DCC: variants seen among roughly 807,000 people sequenced by gnomAD.
DCC encodes netrin receptor DCC.
Under a neutral mutation model 172.5 loss-of-function variants are expected in DCC, and 58 were observed. The ratio of observed to expected loss-of-function variants is 0.34; its 90% CI spans 0.27 to 0.42. The LOEUF (loss-of-function observed/expected upper bound fraction) is 0.42. Ranked by LOEUF, DCC falls within the 10% of genes least tolerant of loss-of-function variation. DCC has a pLI of 1.00. For missense variants in DCC, 1,740 were observed against 1,791.0 expected, an observed-to-expected ratio of 0.97 and a Z score of 0.51; for synonymous variants, 709 against 644.5, an observed-to-expected ratio of 1.10 and a Z score of -1.52.
intron 1 of DCC, among the ~76,000 whole-genome samples, chr18:52,437,513 T>A (rs1987835386): frequency 6.6e-6 from 1 of 152,156 alleles, no homozygotes; most frequent in South Asian, 2.1e-4. Context: ...GAGACAGATG[T>A]CCTCAAAGGA....
chr18:52,512,821 T>A (rs2031490840), intron 1 of DCC, among the ~76,000 whole-genome samples: 1 of 152,142 alleles, frequency 6.6e-6, no homozygotes, highest in African/African-American at 2.4e-5. Context: ...AATGAGATGG[T>A]CCACATCTCA....
chr18:52,551,949 C>T (rs185411121), intron 1 of DCC, among the ~76,000 whole-genome samples: 1 of 151,990 alleles, frequency 6.6e-6, no homozygotes, highest in African/African-American at 2.4e-5. Context: ...ATATTGGAAT[C>T]GTGTGTGGAT....
At chr18:52,942,729 C>G (rs1433523867) in intron 5 of DCC, among the ~76,000 whole-genome samples, 2 of 152,182 alleles carry the variant, frequency 1.3e-5, no homozygotes, top group Non-Finnish European at 2.9e-5. Flanking sequence ...CCCGCCAGGT[C>G]CCTCCCACAA....
rs921797182 is a variant in DCC, at chr18:53,266,912, A to G, written c.1912-38666A>G. On this transcript the variant is annotated intron_variant, in intron 12 of 28. Transcript: ENST00000442544. Reference sequence around the variant, plus strand: ...ATTGTATAGACATAACATTTCATTTATCCATCCTTCAGATCACAGATGTTT... The same window carrying G: ...ATTGTATAGACATAACATTTCATTTGTCCATCCTTCAGATCACAGATGTTT... Among the ~76,000 whole-genome samples the G allele has an allele frequency of 4.6e-5, 7 of 152,128 alleles. No individual in the cohort carries two copies. The East Asian group carries it at 1.4e-3, about 29-fold the overall frequency.
At chr18:52,841,237 T>G (rs2038800038) in intron 2 of DCC, among the ~76,000 whole-genome samples, 1 of 152,052 alleles carries the variant, frequency 6.6e-6, no homozygotes, top group Non-Finnish European at 1.5e-5. Flanking sequence ...TGGTTTGATT[T>G]TCTTCTAAGT....
At chr18:52,388,099 A>G (rs977651088) in intron 1 of DCC, among the ~76,000 whole-genome samples, 1 of 151,986 alleles carries the variant, frequency 6.6e-6, no homozygotes, top group African/African-American at 2.4e-5. Flanking sequence ...GAAAGCCTAG[A>G]ATAACATTAA....
chr18:52,850,271 C>T (rs542149609), intron 2 of DCC, among the ~76,000 whole-genome samples: 1 of 152,262 alleles, frequency 6.6e-6, no homozygotes, highest in South Asian at 2.1e-4. Flanking sequence ...GTTAATTAAT[C>T]TGGAAGCACA....
chr18:52,824,996 A>T (rs1398347663), intron 2 of DCC, among the ~76,000 whole-genome samples: 1 of 151,652 alleles, frequency 6.6e-6, no homozygotes, highest in Non-Finnish European at 1.5e-5. Context: ...CTTGACTAAG[A>T]CCAGGGATAT....
chr18:52,856,844 T>C (rs111760256), intron 2 of DCC, among the ~76,000 whole-genome samples: 2,353 of 152,246 alleles, frequency 0.015, 58 homozygotes, highest in African/African-American at 0.051. Flanking sequence ...ATGCTCCATG[T>C]ACGCACCAGA....
In DCC at chr18:52,534,901, T is replaced by C. The variant is rs180895161; in HGVS notation, c.91+194023T>C. Among the ~76,000 whole-genome samples the C allele has an allele frequency of 3.1e-3, 472 of 152,278 alleles. 2 individuals are homozygous for C. The highest frequency in any genetic ancestry group is 9.5e-3 in the East Asian group (49 of 5,174). On this transcript the variant is annotated intron_variant, in intron 1 of 28. Coordinates refer to ENST00000442544, the MANE Select transcript of DCC (RefSeq NM_005215.4). ...ACCTACCTGGCATATTGGCTTCCCATTGTAACTTTTGTCCAACCTTATTAT... is the reference window on the plus strand; with the variant it reads ...ACCTACCTGGCATATTGGCTTCCCACTGTAACTTTTGTCCAACCTTATTAT...
chr18:53,251,802 A>C (rs921040149), intron 12 of DCC, among the ~76,000 whole-genome samples: 1 of 151,976 alleles, frequency 6.6e-6, no homozygotes, highest in Non-Finnish European at 1.5e-5. Flanking sequence ...ATATCCCACC[A>C]TCATTCATGA....
At chr18:52,443,495 C>T (rs1598822722) in intron 1 of DCC, among the ~76,000 whole-genome samples, 1 of 152,262 alleles carries the variant, frequency 6.6e-6, no homozygotes, top group African/African-American at 2.4e-5. Context: ...CATAACTCTG[C>T]TCGATAAAGA....
rs1004521435 is a variant in DCC, at chr18:52,414,911, A to G, written c.91+74033A>G. 2.0e-5 allele frequency among the ~76,000 whole-genome samples: 3 copies of G among 152,318 alleles called. No homozygotes were observed. The East Asian group carries it at 5.8e-4, about 29-fold the overall frequency. ...GGAAAACTAGTTGGCATATTTCTGC[A>G]ATTGCAGAGTATTACACACCAAGAA... is the stretch of plus-strand genomic sequence containing the variant. On this transcript the variant is annotated intron_variant, in intron 1 of 28. Transcript: ENST00000442544.
At chr18:53,179,140 A>G (rs1166581164) in intron 9 of DCC, 24 bp downstream of exon 9, 5 of 1,608,880 alleles carry the variant, frequency 3.1e-6, no homozygotes, top group Admixed American at 3.4e-5. Flanking sequence ...GGAACGGGCC[A>G]CATTTAAAAA....
intron 26 of DCC, among the ~76,000 whole-genome samples, chr18:53,495,801 G>A (rs1288704223): frequency 6.6e-6 from 1 of 152,162 alleles, no homozygotes; most frequent in African/African-American, 2.4e-5. Flanking sequence ...ATGTTTTGGA[G>A]GCTTTGTTCA....
At chr18:53,150,722 C>T (rs1363157342) in intron 7 of DCC, among the ~76,000 whole-genome samples, 1 of 152,156 alleles carries the variant, frequency 6.6e-6, no homozygotes, top group Non-Finnish European at 1.5e-5. Flanking sequence ...GAAGGTATTC[C>T]AGCTGAGTTT....
chr18:52,722,839 T>G (rs1377132820), intron 1 of DCC, among the ~76,000 whole-genome samples: 1 of 152,212 alleles, frequency 6.6e-6, no homozygotes, highest in Non-Finnish European at 1.5e-5. Context: ...CTCTCCTGTC[T>G]GCTGTATTCC....
In DCC at chr18:53,148,865, C is replaced by CTTTTTTTTTTTTTTTTTTTTTTTTTTTTT. The variant is rs5824990; in HGVS notation, c.1262-8474_1262-8473insTTTTTTTTTTTTTTTTTTTTTTTTTTTTT. On this transcript the variant is annotated intron_variant, in intron 7 of 28. Transcript: ENST00000442544. ...AAACTAGCTCAGAACTTCCCAATGCCTTTTTTTTTTTTTTTTTGGACAAAG... is the reference window on the plus strand; with the variant it reads ...AAACTAGCTCAGAACTTCCCAATGCCTTTTTTTTTTTTTTTTTTTTTTTTTTTTTTTTTTTTTTTTTTTTTTGGACAAAG... Among the ~76,000 whole-genome samples the CTTTTTTTTTTTTTTTTTTTTTTTTTTTTT allele has an allele frequency of 9.9e-4, 109 of 109,770 alleles. 7 individuals are homozygous for CTTTTTTTTTTTTTTTTTTTTTTTTTTTTT. The highest frequency in any genetic ancestry group is 5.2e-3 in the Middle Eastern group (1 of 194). The allele number at this position is 109,770 out of a possible 152,430, so 72.0% of individuals were successfully genotyped here. A position where few individuals can be genotyped will look rare whatever the true frequency, so the allele number is the denominator to read the frequency against.
intron 5 of DCC, among the ~76,000 whole-genome samples, chr18:53,014,080 C>A (rs577744606): frequency 6.6e-6 from 1 of 152,064 alleles, no homozygotes; most frequent in Non-Finnish European, 1.5e-5. Flanking sequence ...CTTTAGAAGA[C>A]CTGTCCTTAA....
Sources: gnomAD v4.1 joint callset for allele counts (sites outside exome capture counted in the v4.1 genomes callset) on GRCh38, gnomAD v4.1.1 for gene constraint, MANE v1.5 for transcripts, NCBI Gene and HGNC (gene_info 2026-07-23, HGNC 2026-07-21) for gene names.